Variants in NRCAM observed in about 807,000 individuals in gnomAD.
NRCAM encodes the protein neuronal cell adhesion molecule, also known as NgCAM-related cell adhesion molecule.
In NRCAM, 83 loss-of-function variants were observed where a neutral mutation model predicts 156.5. That is an observed-to-expected ratio of 0.53 (90% CI 0.44 to 0.64). NRCAM has a LOEUF of 0.64. Among genes scored for constraint, NRCAM ranks in the 30% least tolerant of loss-of-function variants. NRCAM has a pLI of 0.00. For missense variants in NRCAM, 1,417 were observed against 1,597.3 expected (o/e 0.89, Z 1.92); for synonymous variants, 538 against 563.9 (o/e 0.95, Z 0.65).
At chr7:108,359,139 A>T (rs1595007092) in intron 2 of NRCAM, among the ~76,000 whole-genome samples, 1 of 152,056 alleles carries the variant, frequency 6.6e-6, no homozygotes, top group African/African-American at 2.4e-5. Flanking sequence ...ATTGCCCCAC[A>T]CCTTCCAATC....
rs1382488802 is a variant in NRCAM, at chr7:108,198,190, C to T, written c.1208-91G>A. The T allele has an allele frequency of 6.8e-6, 7 of 1,025,390 alleles. No homozygotes were observed. In the Admixed American group the frequency reaches 1.8e-4, roughly 26 times the overall value. The allele number at this position is 1,025,390 out of a possible 1,614,324, so 63.5% of individuals were successfully genotyped here. ...AAAGTCAGTAGGACATAAATAAAGACTGCTCTAAGTACATGCAGTAAGAAT... is the reference window on the plus strand; with the variant it reads ...AAAGTCAGTAGGACATAAATAAAGATTGCTCTAAGTACATGCAGTAAGAAT... On this transcript the variant is annotated intron_variant, in intron 13 of 32. Transcript: ENST00000379028.
At chr7:108,440,846 G>A (rs1458544064) in intron 1 of NRCAM, among the ~76,000 whole-genome samples, 2 of 152,174 alleles carry the variant, frequency 1.3e-5, no homozygotes, top group African/African-American at 4.8e-5. Flanking sequence ...ATTTTTGTGT[G>A]TGCTGAACTG....
intron 1 of NRCAM, among the ~76,000 whole-genome samples, chr7:108,437,214 A>G (rs1833277715): frequency 6.6e-6 from 1 of 152,190 alleles, no homozygotes; most frequent in African/African-American, 2.4e-5. Context: ...GATCTAAAAA[A>G]TCAAAACAAT....
intron 1 of NRCAM, among the ~76,000 whole-genome samples, chr7:108,446,488 C>A (rs909448675): frequency 2.6e-5 from 4 of 152,122 alleles, no homozygotes; most frequent in African/African-American, 9.7e-5. Flanking sequence ...TGGGGGCTCT[C>A]AGATACATAC....
chr7:108,257,779 C>T (rs1023561421), intron 3 of NRCAM, among the ~76,000 whole-genome samples: 1 of 151,932 alleles, frequency 6.6e-6, no homozygotes, highest in Non-Finnish European at 1.5e-5. Flanking sequence ...TCTACATAAC[C>T]TTGATTTCAA....
At position 108,149,278 on chromosome 7, in the gene NRCAM, C is replaced by A. The variant is rs139626451; in HGVS notation, c.*632G>T. 1 of 152,592 alleles carries A rather than the reference C, an allele frequency of 6.6e-6. No homozygotes were observed. The highest frequency in any genetic ancestry group is 2.4e-5 in the African/African-American group (1 of 41,428). The allele number at this position is 152,592 out of a possible 1,614,324, so 9.5% of individuals were successfully genotyped here. A position where few individuals can be genotyped will look rare whatever the true frequency, so the allele number is the denominator to read the frequency against. On this transcript the variant is annotated 3_prime_UTR_variant, in exon 33 of 33. Transcript: ENST00000379028. ...AATGCCTGGAAGATTAAGAAGCCTA[C>A]GGAGTAACAGGAGCCAAGAGTAGGT... is the stretch of plus-strand genomic sequence containing the variant.
chr7:108,224,179 A>C (rs2092978697), intron 10 of NRCAM, among the ~76,000 whole-genome samples: 1 of 152,156 alleles, frequency 6.6e-6, no homozygotes, highest in South Asian at 2.1e-4. Flanking sequence ...ATGTTATCAA[A>C]CTACATTTCC....
At position 108,274,081 on chromosome 7, in the gene NRCAM, G is replaced by C. The variant is rs138908455; in HGVS notation, c.-106-33911C>G. Among the ~76,000 whole-genome samples the C allele has an allele frequency of 9.3e-4, 142 of 152,252 alleles. 1 individual carries two copies. Among genetic ancestry groups the C allele is most frequent in the African/African-American group, 3.3e-3 (137 of 41,550 alleles). On this transcript the variant is annotated intron_variant, in intron 3 of 32. Transcript: ENST00000379028. ...GTGTGGTGTTATTTCTGAGGTCTCT[G>C]TTCTGTTCCATTGGTCTGTATCTGT...
intron 2 of NRCAM, among the ~76,000 whole-genome samples, chr7:108,342,660 T>C (rs1258955160): frequency 1.3e-5 from 2 of 152,200 alleles, no homozygotes; most frequent in African/African-American, 4.8e-5. Flanking sequence ...TAGGAGTCCT[T>C]ACACAGGTCC....
intron 1 of NRCAM, among the ~76,000 whole-genome samples, chr7:108,410,732 G>A (rs918562257): frequency 6.6e-6 from 1 of 152,194 alleles, no homozygotes; most frequent in Admixed American, 6.5e-5. Context: ...AGTGTGGAAG[G>A]GCAGCCTGTA....
intron 1 of NRCAM, among the ~76,000 whole-genome samples, chr7:108,443,138 T>C (rs1840470715): frequency 6.6e-6 from 1 of 152,138 alleles, no homozygotes; most frequent in Admixed American, 6.6e-5. Context: ...AGAATCTTCC[T>C]ACCAAACAAT....
At chr7:108,398,900 T>C (rs949594526) in intron 2 of NRCAM, among the ~76,000 whole-genome samples, 1 of 144,210 alleles carries the variant, frequency 6.9e-6, no homozygotes, top group Non-Finnish European at 1.6e-5. Context: ...GAACTGAAAA[T>C]AAATGAAACT....
At chr7:108,270,052 CT>C (rs2097284208) in intron 3 of NRCAM, among the ~76,000 whole-genome samples, 1 of 152,216 alleles carries the variant, frequency 6.6e-6, no homozygotes, top group African/African-American at 2.4e-5. Flanking sequence ...CTTCCATTAT[CT>C]TCACAACCTA....
intron 1 of NRCAM, among the ~76,000 whole-genome samples, chr7:108,446,227 T>TG: frequency 6.6e-6 from 1 of 152,352 alleles, no homozygotes; most frequent in South Asian, 2.1e-4. Flanking sequence ...AGTACCCTTC[T>TG]GGATTCAATG....
At chr7:108,318,963 A>T (rs1488603726) in intron 2 of NRCAM, among the ~76,000 whole-genome samples, 1 of 152,186 alleles carries the variant, frequency 6.6e-6, no homozygotes, top group East Asian at 1.9e-4. Context: ...AAGGCAAATA[A>T]AAAATGTTCT....
intron 3 of NRCAM, among the ~76,000 whole-genome samples, chr7:108,285,704 G>A (rs1171961899): frequency 6.6e-6 from 1 of 152,208 alleles, no homozygotes; most frequent in Admixed American, 6.5e-5. Context: ...TTTGGACAAA[G>A]TTATCATTCA....
intron 32 of NRCAM, among the ~76,000 whole-genome samples, chr7:108,154,250 G>A (rs2043487750): frequency 6.6e-6 from 1 of 152,104 alleles, no homozygotes; most frequent in Non-Finnish European, 1.5e-5. Context: ...ATAGGGTCTT[G>A]AAACTGGTGG....
chr7:108,214,793 A>C (rs565158277), intron 11 of NRCAM, among the ~76,000 whole-genome samples: 24 of 152,286 alleles, frequency 1.6e-4, no homozygotes, highest in African/African-American at 5.8e-4. Context: ...ATCCTGGTAC[A>C]TTGTGTCTTT....
intron 2 of NRCAM, among the ~76,000 whole-genome samples, chr7:108,340,785 T>C (rs1214440573): frequency 6.6e-5 from 10 of 152,172 alleles, no homozygotes; most frequent in Admixed American, 6.5e-4. Context: ...TGAGAAAGCA[T>C]ACCTCTCTGT....
Sources: gnomAD v4.1 joint callset for allele counts (sites outside exome capture counted in the v4.1 genomes callset) on GRCh38, gnomAD v4.1.1 for gene constraint, MANE v1.5 for transcripts, NCBI Gene and HGNC (gene_info 2026-07-23, HGNC 2026-07-21) for gene names.